The following CPLANE1 variants were observed in gnomAD, a reference collection of about 807,000 sequenced individuals.
The protein encoded by CPLANE1 is ciliogenesis and planar polarity effector 1.
In CPLANE1, 263 loss-of-function variants were observed where a neutral mutation model predicts 362.5. The observed-to-expected ratio is 0.73, with a 90% CI of 0.66 to 0.80. The LOEUF (loss-of-function observed/expected upper bound fraction) is 0.80. Ranked by LOEUF, CPLANE1 falls within the 30% of genes least tolerant of loss-of-function variation. The probability of loss-of-function intolerance (pLI) is 0.00; values close to 1 mark genes in which losing one functional copy is unlikely to be tolerated. For missense variants in CPLANE1, 3,461 were observed against 3,793.4 expected (o/e 0.91, Z 2.30); for synonymous variants, 1,212 against 1,302.6 (o/e 0.93, Z 1.50).
chr5:37,095,202 G>A, the CPLANE1 span, among the ~76,000 whole-genome samples: 9 of 152,232 alleles, frequency 5.9e-5, no homozygotes, highest in East Asian at 7.7e-4. Context: ...CTAGCTAACA[G>A]AATCCAACAA....
intron 16 of CPLANE1, among the ~76,000 whole-genome samples, chr5:37,207,145 C>T (rs1790991614): frequency 6.6e-6 from 1 of 152,096 alleles, no homozygotes; most frequent in African/African-American, 2.4e-5. Context: ...CTTGATAAAG[C>T]AACTTAAAAA....
At chr5:37,104,663 T>C (rs1757463194), downstream of CPLANE1, among the ~76,000 whole-genome samples, 1 of 150,208 alleles carries the variant, frequency 6.7e-6, no homozygotes, top group African/African-American at 2.5e-5. Context: ...CCCAGCACTT[T>C]GGGAGGCCCA....
chr5:37,238,487 CTT>C (rs869153501), intron 8 of CPLANE1, among the ~76,000 whole-genome samples: 65 of 80,644 alleles, frequency 8.1e-4, no homozygotes, highest in African/African-American at 3.1e-3. Context: ...CCAGCCTTTT[CTT>C]TTTTTTTTTT....
intron 37 of CPLANE1, among the ~76,000 whole-genome samples, chr5:37,162,965 C>A (rs1414963763): frequency 6.6e-6 from 1 of 152,240 alleles, no homozygotes; most frequent in Non-Finnish European, 1.5e-5. Flanking sequence ...CAGGCGTGGG[C>A]CACCGTGTCC....
chr5:37,166,490 TGA>T (rs1047057595), intron 35 of CPLANE1, among the ~76,000 whole-genome samples: 9 of 152,222 alleles, frequency 5.9e-5, no homozygotes, highest in African/African-American at 2.2e-4. Context: ...TAAGATATTT[TGA>T]GAGACAGAGA....
intron 16 of CPLANE1, among the ~76,000 whole-genome samples, chr5:37,208,276 T>C (rs1554097399): frequency 6.6e-6 from 1 of 152,242 alleles, no homozygotes; most frequent in Non-Finnish European, 1.5e-5. Context: ...ACACAGATCT[T>C]TCCGTTTCTC....
rs1484482731 is a variant in CPLANE1, at chr5:37,243,137, A to G, written c.571-18T>C. ...CCAAATAACTGTAGATAAATTTAAT[A>G]TACTTTAGTATAAAATTAATCTGAA... On this transcript the variant is annotated intron_variant, in intron 5 of 52. Coordinates refer to ENST00000651892, the MANE Select transcript of CPLANE1 (RefSeq NM_001384732.1). 1 of 1,342,392 alleles carries G rather than the reference A, an allele frequency of 7.4e-7. No individual in the cohort carries two copies. Among genetic ancestry groups the G allele is most frequent in the Admixed American group, 2.5e-5 (1 of 40,378 alleles). 83.2% of individuals were successfully genotyped at this position (1,342,392 alleles called of 1,614,324 possible).
At chr5:37,142,121 T>A in intron 44 of CPLANE1, 189 bp downstream of exon 44, 1 of 1,141,666 alleles carries the variant, frequency 8.8e-7, no homozygotes, top group Non-Finnish European at 1.1e-6. Flanking sequence ...TTGCAGTATG[T>A]CTTATGAAGG....
intron 19 of CPLANE1, among the ~76,000 whole-genome samples, chr5:37,200,771 T>C (rs1369157905): frequency 1.3e-5 from 2 of 152,046 alleles, no homozygotes; most frequent in Non-Finnish European, 2.9e-5. Context: ...GAACTATCAA[T>C]TGAATAGTGT....
At chr5:37,145,257 A>AG (rs2150465120) in intron 43 of CPLANE1, among the ~76,000 whole-genome samples, 1 of 152,266 alleles carries the variant, frequency 6.6e-6, no homozygotes, top group East Asian at 1.9e-4. Flanking sequence ...GTGAGCTGAG[A>AG]TCACACCACT....
Position 37,134,057 on chromosome 5 carries a change from A to AT in CPLANE1, c.8792+4662dup, listed in dbSNP as rs1260802558. Among the ~76,000 whole-genome samples the AT allele has an allele frequency of 2.0e-5, 3 of 152,030 alleles. No homozygotes were observed. In the East Asian group the frequency reaches 5.8e-4, roughly 29 times the overall value. On this transcript the variant is annotated intron_variant, in intron 46 of 52. Transcript: ENST00000651892. ...TTCGGTTTGCTATATTTTGTTGAAGATTTTTTACTTCTATATTCATCAGGG... is the reference window on the plus strand; with the variant it reads ...TTCGGTTTGCTATATTTTGTTGAAGATTTTTTTACTTCTATATTCATCAGGG...
At chr5:37,134,786 A>G (rs967987231) in intron 46 of CPLANE1, among the ~76,000 whole-genome samples, 1 of 146,016 alleles carries the variant, frequency 6.8e-6, no homozygotes, top group Non-Finnish European at 1.5e-5. Context: ...AGTGCTATAA[A>G]CTTTCCACTT....
chr5:37,179,769 C>A (rs1175345001), intron 28 of CPLANE1, among the ~76,000 whole-genome samples: 1 of 152,122 alleles, frequency 6.6e-6, no homozygotes, highest in Non-Finnish European at 1.5e-5. Flanking sequence ...ATAAGCAGCA[C>A]AAGACGCCCA....
intron 6 of CPLANE1, among the ~76,000 whole-genome samples, chr5:37,240,488 G>A (rs1460030980): frequency 6.6e-6 from 1 of 152,160 alleles, no homozygotes; most frequent in Non-Finnish European, 1.5e-5. Flanking sequence ...GAAAGGAAAT[G>A]GGGAGCAGCA....
At chr5:37,187,060 C>CAAAAAAAAAAAAAAAACAAAAAAAAAA (rs1784241260) in intron 23 of CPLANE1, among the ~76,000 whole-genome samples, 1 of 50,396 alleles carries the variant, frequency 2.0e-5, no homozygotes, top group African/African-American at 9.1e-5. Context: ...GACTCCGTCT[C>CAAAAAAAAAAAAAAAACAAAAAAAAAA]AAAAAAAAAA....
chr5:37,191,652 C>A (rs1403517141), intron 21 of CPLANE1, among the ~76,000 whole-genome samples: 2 of 152,158 alleles, frequency 1.3e-5, no homozygotes, highest in East Asian at 3.9e-4. Flanking sequence ...GCCTGGGCAA[C>A]AGAGACCCCA....
intron 35 of CPLANE1, among the ~76,000 whole-genome samples, chr5:37,166,595 T>C (rs1778308822): frequency 6.6e-6 from 1 of 152,204 alleles, no homozygotes; most frequent in Non-Finnish European, 1.5e-5. Context: ...CTGTGCCTAA[T>C]CTGTAACTTA....
Position 37,185,109 on chromosome 5 carries a change from G to A in CPLANE1, c.4190-30C>T, listed in dbSNP as rs376406198. The A allele has an allele frequency of 2.6e-6, 4 of 1,561,692 alleles. No homozygotes were observed. The African/African-American group carries it at 5.5e-5, about 21-fold the overall frequency. On this transcript the variant is annotated intron_variant, in intron 24 of 52. Transcript: ENST00000651892. ...AAAGAAAAGAATAAAAAGTCTTAGT[G>A]TTCATTAAAATATTTCAATTCAAGA... is the stretch of plus-strand genomic sequence containing the variant.
chr5:37,180,255 T>G, intron 27 of CPLANE1, 72 bp from the exon 28 acceptor site: 1 of 1,052,924 alleles, frequency 9.5e-7, no homozygotes, highest in Non-Finnish European at 1.3e-6. Context: ...TTGGGTTTTT[T>G]TTTTGTTTTT....
Sources: gnomAD v4.1 joint callset for allele counts (sites outside exome capture counted in the v4.1 genomes callset) on GRCh38, gnomAD v4.1.1 for gene constraint, MANE v1.5 for transcripts, NCBI Gene and HGNC (gene_info 2026-07-23, HGNC 2026-07-21) for gene names.